RIMBP2: variants seen among roughly 807,000 people sequenced by gnomAD.
The protein encoded by RIMBP2 is RIMS-binding protein 2.
RIMBP2 carries 48 observed loss-of-function variants against 118.6 expected under a neutral mutation model. The observed-to-expected ratio is 0.40, with a 90% CI of 0.32 to 0.51. The LOEUF (loss-of-function observed/expected upper bound fraction) is 0.51. RIMBP2 is among the 20% of genes least tolerant of loss of function. The pLI is 0.41. For synonymous variants in RIMBP2, 762 were observed against 742.9 expected (o/e 1.03, Z -0.42); for missense variants, 1,551 against 1,768.3 (o/e 0.88, Z 2.20).
intron 1 of RIMBP2, among the ~76,000 whole-genome samples, chr12:130,676,356 T>G (rs113287555): frequency 7.8e-4 from 116 of 148,322 alleles, no homozygotes; most frequent in African/African-American, 2.7e-3. Flanking sequence ...CAGGCACGGT[T>G]GCTCACGCCT....
rs901694 is a variant in RIMBP2 at position 130,662,236 on chromosome 12, A to T, written c.-351-33780T>A. Among the ~76,000 whole-genome samples, 355 of 151,934 alleles carry T rather than the reference A, an allele frequency of 2.3e-3. 1 individual carries two copies. Among genetic ancestry groups the T allele is most frequent in the Non-Finnish European group, 4.2e-3 (288 of 67,964 alleles). Reference sequence around the variant, plus strand: ...TCTGGGGAGAGGTCAGTCTGGGGCAATTCTCGCCAATGTGAAGGGTGCATG... The same window carrying T: ...TCTGGGGAGAGGTCAGTCTGGGGCATTTCTCGCCAATGTGAAGGGTGCATG... On this transcript the variant is annotated intron_variant, in intron 1 of 22. Transcript: ENST00000690449.
chr12:130,397,152 T>TGAG lies in RIMBP2; in HGVS notation c.*206_*208dup, dbSNP rs1009340498. On this transcript the variant is annotated 3_prime_UTR_variant, in exon 23 of 23. Coordinates refer to ENST00000690449, the MANE Select transcript of RIMBP2 (RefSeq NM_001393629.1). Reference sequence around the variant, plus strand: ...ACCTCCCAAATCAGAGCTTGGACAATGAGAGCAGACTGCCAGCGGTGACAG... The same window carrying TGAG: ...ACCTCCCAAATCAGAGCTTGGACAATGAGGAGAGCAGACTGCCAGCGGTGACAG... The TGAG allele has an allele frequency of 1.2e-4, 42 of 338,134 alleles. No individual in the cohort carries two copies. Among genetic ancestry groups the TGAG allele is most frequent in the African/African-American group, 8.9e-4 (42 of 47,446 alleles). The allele number at this position is 338,134 out of a possible 1,614,324, so 20.9% of individuals were successfully genotyped here.
Position 130,688,277 on chromosome 12 carries a change from C to G in RIMBP2, c.-352+27945G>C, listed in dbSNP as rs1302555333. Among the ~76,000 whole-genome samples the G allele has an allele frequency of 4.6e-5, 7 of 152,088 alleles. No homozygotes were observed. Among genetic ancestry groups the G allele is most frequent in the African/African-American group, 1.7e-4 (7 of 41,394 alleles). ...CTCTGCACCATGGGCACCCGGCAGA[C>G]CCTCCTGCTGTTTCTGAACTCCTCA... On this transcript the variant is annotated intron_variant, in intron 1 of 22. Coordinates refer to ENST00000690449, the MANE Select transcript of RIMBP2 (RefSeq NM_001393629.1). The surrounding 1 kb of genome is among the most constrained non-coding windows in gnomAD (Gnocchi z 4.7).
At chr12:130,560,021 T>C (rs2139870214) in intron 2 of RIMBP2, among the ~76,000 whole-genome samples, 1 of 152,326 alleles carries the variant, frequency 6.6e-6, no homozygotes, top group East Asian at 1.9e-4. Context: ...GGGGGTGATT[T>C]GCTTAAGGGC....
chr12:130,653,390 C>T (rs74344196), intron 1 of RIMBP2, among the ~76,000 whole-genome samples: 35 of 152,348 alleles, frequency 2.3e-4, no homozygotes, highest in African/African-American at 7.5e-4. Flanking sequence ...TCCTTGACTC[C>T]GTGCCCCACA....
chr12:130,454,866 G>C (rs1036141333), intron 7 of RIMBP2, among the ~76,000 whole-genome samples: 1 of 152,198 alleles, frequency 6.6e-6, no homozygotes, highest in Non-Finnish European at 1.5e-5. Flanking sequence ...TTTACAGAAG[G>C]GCCAGCTTGC....
In RIMBP2 at chr12:130,456,563, G is replaced by A; in HGVS notation, c.291C>T (p.Asp97=). The change falls in exon 7 of 23, where the codon GAC becomes GAT. Residue 97 remains aspartate, a synonymous_variant. Transcript: ENST00000690449. The part of the protein sequence containing the change: ...LLGGSAVAPL[D]ISTAPSKPFP... ...AAGGCTTGCTGGGGGCCGTGGAGAT[G>A]TCCAGGGGGGCCACCGCGCTGCCAC... 6.2e-7 allele frequency: 1 copy of A among 1,613,074 alleles called. No homozygotes were observed. The highest frequency in any genetic ancestry group is 8.5e-7 in the Non-Finnish European group (1 of 1,179,376).
intron 20 of RIMBP2, among the ~76,000 whole-genome samples, chr12:130,406,544 T>C (rs1305186442): frequency 6.6e-6 from 1 of 152,270 alleles, no homozygotes; most frequent in African/African-American, 2.4e-5. Context: ...AAATGGTTAA[T>C]TGTAAAAACC....
intron 2 of RIMBP2, among the ~76,000 whole-genome samples, chr12:130,522,604 G>A (rs2052255305): frequency 6.6e-6 from 1 of 152,214 alleles, no homozygotes; most frequent in African/African-American, 2.4e-5. Context: ...CGACTTCAAG[G>A]CGGGGCGCTG....
intron 19 of RIMBP2, among the ~76,000 whole-genome samples, chr12:130,408,128 G>A (rs528000025): frequency 3.9e-4 from 60 of 152,296 alleles, no homozygotes; most frequent in Non-Finnish European, 6.9e-4. Context: ...CGGGGCTCTC[G>A]AACAGCAAAT....
Position 130,681,295 on chromosome 12 carries a change from TAA to T in RIMBP2, c.-352+34925_-352+34926del, listed in dbSNP as rs573583000. ...CCTATCTCTAAAAAAAAATAAAAAA[TAA>T]AAATAAATGCATGTACTTTTTACAA... is the stretch of plus-strand genomic sequence containing the variant. On this transcript the variant is annotated intron_variant, in intron 1 of 22. Coordinates refer to ENST00000690449, the MANE Select transcript of RIMBP2 (RefSeq NM_001393629.1). Among the ~76,000 whole-genome samples the T allele has an allele frequency of 3.9e-3, 538 of 138,580 alleles. 4 individuals are homozygous for T. Among genetic ancestry groups the T allele is most frequent in the East Asian group, 0.021 (96 of 4,620 alleles). The allele number at this position is 138,580 out of a possible 152,430, so 90.9% of individuals were successfully genotyped here.
intron 2 of RIMBP2, among the ~76,000 whole-genome samples, chr12:130,604,240 TTG>T (rs1303799514): frequency 3.3e-5 from 5 of 151,872 alleles, no homozygotes; most frequent in East Asian, 3.9e-4. Flanking sequence ...TGCAATGTCT[TTG>T]TGTTTCAAGA....
chr12:130,673,475 G>T (rs2064294011), intron 1 of RIMBP2, among the ~76,000 whole-genome samples: 1 of 152,204 alleles, frequency 6.6e-6, no homozygotes, highest in Non-Finnish European at 1.5e-5. Flanking sequence ...AATCCCCATG[G>T]CCCACCAGCT....
chr12:130,681,585 G>A (rs1471881437), intron 1 of RIMBP2, among the ~76,000 whole-genome samples: 1 of 151,980 alleles, frequency 6.6e-6, no homozygotes. Flanking sequence ...CCAAGTTTAA[G>A]CAACACTTTA....
intron 2 of RIMBP2, among the ~76,000 whole-genome samples, chr12:130,537,201 G>A (rs1593704473): frequency 6.6e-6 from 1 of 152,190 alleles, no homozygotes; most frequent in African/African-American, 2.4e-5. Flanking sequence ...ATCGACTGCA[G>A]CTGTGCACCT....
chr12:130,539,670 A>C (rs770580289), intron 2 of RIMBP2, among the ~76,000 whole-genome samples: 1,232 of 108,000 alleles, frequency 0.011, 13 homozygotes, highest in Middle Eastern at 0.03. Flanking sequence ...CAGGTGTAGG[A>C]TATGGCAAAT....
intron 1 of RIMBP2, among the ~76,000 whole-genome samples, chr12:130,671,512 G>A (rs1409190837): frequency 1.3e-5 from 2 of 152,170 alleles, no homozygotes; most frequent in East Asian, 3.9e-4. Flanking sequence ...CTAGTCACCA[G>A]CCTATCCCCA....
At chr12:130,481,507 G>A (rs1369560437) in intron 4 of RIMBP2, among the ~76,000 whole-genome samples, 1 of 152,180 alleles carries the variant, frequency 6.6e-6, no homozygotes, top group Non-Finnish European at 1.5e-5. Flanking sequence ...GCTGTCTCCA[G>A]AAGAGGCTCC....
chr12:130,658,650 G>A (rs7966312), intron 1 of RIMBP2: 79,005 of 151,696 alleles, frequency 0.52, 21,499 homozygotes, highest in Non-Finnish European at 0.62. Context: ...TGCAGCCTCC[G>A]GTTGCCCTGA....
Sources: gnomAD v4.1 joint callset for allele counts (sites outside exome capture counted in the v4.1 genomes callset) on GRCh38, gnomAD v4.1.1 for gene constraint, Gnocchi (gnomAD v3.1) non-coding constraint, MANE v1.5 for transcripts, NCBI Gene and HGNC (gene_info 2026-07-23, HGNC 2026-07-21) for gene names.